SIVA1: variants seen among roughly 807,000 people sequenced by gnomAD.
SIVA1 encodes the protein SIVA1 apoptosis inducing factor.
In SIVA1, 10 loss-of-function variants were observed where a neutral mutation model predicts 19.7. The ratio of observed to expected loss-of-function variants is 0.51; its 90% CI spans 0.31 to 0.86. The LOEUF is 0.86. SIVA1 is among the 40% of genes least tolerant of loss of function. The probability of loss-of-function intolerance (pLI) is 0.04; values close to 1 mark genes in which losing one functional copy is unlikely to be tolerated. For missense variants in SIVA1, 241 were observed against 245.2 expected (o/e 0.98, Z 0.11); for synonymous variants, 130 against 106.1 (o/e 1.23, Z -1.39).
rs899288750 is a variant in SIVA1, at chr14:104,756,235, C to G, written c.314-369C>G. 7 of 441,522 alleles carry G rather than the reference C, an allele frequency of 1.6e-5. No homozygotes were observed. The Admixed American group carries it at 2.2e-4, about 14-fold the overall frequency. The allele number at this position is 441,522 out of a possible 1,614,324, so 27.4% of individuals were successfully genotyped here. A position where few individuals can be genotyped will look rare whatever the true frequency, so the allele number is the denominator to read the frequency against. On this transcript the variant is annotated intron_variant, in intron 2 of 3. Coordinates refer to ENST00000329967, the MANE Select transcript of SIVA1 (RefSeq NM_006427.4). ...GTGTGTCTAGGAGGAGCCCAGGCAC[C>G]TCTTTGTTAACCAGTAAGGCAGTGG... is the stretch of plus-strand genomic sequence containing the variant.
Position 104,753,197 on chromosome 14 carries a change from C to T in SIVA1, c.-5C>T. On this transcript the variant is annotated 5_prime_UTR_variant, in exon 1 of 4. Coordinates refer to ENST00000329967, the MANE Select transcript of SIVA1 (RefSeq NM_006427.4). ...GGGAGCTGCGTAGCTCCCGGCCCCG[C>T]GGCCATGCCCAAGCGGAGCTGCCCC... 2 of 1,557,386 alleles carry T rather than the reference C, an allele frequency of 1.3e-6. No individual in the cohort carries two copies. The highest frequency in any genetic ancestry group is 2.4e-5 in the East Asian group (1 of 41,470).
intron 2 of SIVA1, 126 bp from the exon 3 acceptor site, chr14:104,756,478 T>C (rs1309906568): frequency 8.0e-6 from 8 of 1,004,568 alleles, no homozygotes; most frequent in African/African-American, 7.9e-5. Context: ...GGATCCAGTG[T>C]AGGTGGGGAT....
At chr14:104,755,909 C>G (rs1273432688) in intron 2 of SIVA1, 85 bp downstream of exon 2, 2 of 1,294,916 alleles carry the variant, frequency 1.5e-6, no homozygotes, top group East Asian at 2.5e-5. Context: ...CAAGGTCAGG[C>G]TTTTCCTCCC....
At chr14:104,753,755 C>T (rs1055225825) in intron 1 of SIVA1, 8 of 454,336 alleles carry the variant, frequency 1.8e-5, no homozygotes, top group African/African-American at 1.0e-4. Context: ...GAGCGCGCGG[C>T]CCTGCCAGGC....
At chr14:104,756,484 G>A in intron 2 of SIVA1, 120 bp from the exon 3 acceptor site, 1 of 1,095,598 alleles carries the variant, frequency 9.1e-7, no homozygotes, top group South Asian at 1.3e-5. Context: ...AGTGTAGGTG[G>A]GGATGGGGTA....
In SIVA1 at chr14:104,755,694, C is replaced by T; in HGVS notation, c.183C>T (p.Gly61=). 6.2e-7 allele frequency: 1 copy of T among 1,614,092 alleles called. No homozygotes were observed. The highest frequency in any genetic ancestry group is 1.3e-5 in the African/African-American group (1 of 75,056). The change falls in exon 2 of 4, where the codon GGC becomes GGT. Residue 61 remains glycine, a synonymous_variant. Coordinates refer to ENST00000329967, the MANE Select transcript of SIVA1 (RefSeq NM_006427.4). The part of the protein sequence containing the change: ...QAYLDHVWDE[G]CAVVHLPESP... ...ACCTGGACCACGTGTGGGATGAAGG[C>T]TGTGCCGTCGTTCACCTGCCAGAGT...
chr14:104,755,671 C>T lies in SIVA1; in HGVS notation c.160C>T (p.Leu54=). 6.2e-7 allele frequency: 1 copy of T among 1,613,938 alleles called. No homozygotes were observed. ...RLLFLGAQAY[L]DHVWDEGCAV... Reference sequence around the variant, plus strand: ...CCTGTTCCTCGGGGCCCAGGCCTACCTGGACCACGTGTGGGATGAAGGCTG... The same window carrying T: ...CCTGTTCCTCGGGGCCCAGGCCTACTTGGACCACGTGTGGGATGAAGGCTG... The change falls in exon 2 of 4, where the codon CTG becomes TTG. Residue 54 remains leucine (L), a synonymous_variant. Coordinates refer to ENST00000329967, the MANE Select transcript of SIVA1 (RefSeq NM_006427.4).
In SIVA1 at chr14:104,756,732, G is replaced by A. The variant is rs376915360; in HGVS notation, c.442G>A (p.Val148Met). 104 of 1,613,598 alleles carry A rather than the reference G, an allele frequency of 6.4e-5. 1 individual carries two copies. Among genetic ancestry groups the A allele is most frequent in the Non-Finnish European group, 8.1e-5 (95 of 1,179,818 alleles). The change falls in exon 3 of 4, where the codon GTG (valine) becomes ATG (methionine). Residue 148 changes from valine (V) to methionine (M), a missense_variant. Transcript: ENST00000329967. ...CVRTCWGCGS[V>M]ACTLCGLVDC... Reference sequence around the variant, plus strand: ...GCGCACCTGCTGGGGCTGCGGCTCCGTGGCCTGTACCCTGTGTGGCCTCGT... The same window carrying A: ...GCGCACCTGCTGGGGCTGCGGCTCCATGGCCTGTACCCTGTGTGGCCTCGT...
intron 2 of SIVA1, chr14:104,756,078 C>T (rs547681784): frequency 1.1e-5 from 7 of 620,906 alleles, no homozygotes; most frequent in Non-Finnish European, 2.1e-5. Flanking sequence ...TGCTTTCCGC[C>T]TGCAGCCCCC....
chr14:104,753,158 G>A lies in SIVA1; in HGVS notation c.-44G>A, dbSNP rs1290307696. The A allele has an allele frequency of 3.0e-6, 4 of 1,324,154 alleles. No individual in the cohort carries two copies. In the African/African-American group the frequency reaches 4.5e-5, roughly 15 times the overall value. The allele number at this position is 1,324,154 out of a possible 1,614,324, so 82.0% of individuals were successfully genotyped here. The stretch of plus-strand genomic sequence containing the variant: ...TGTGACGTCACGGCGTCGTTGGTAA[G>A]GGGCTGGCGGCCGGGGAGCTGCGTA... On this transcript the variant is annotated 5_prime_UTR_variant, in exon 1 of 4. Transcript: ENST00000329967.
At chr14:104,757,404 TG>T (rs1655049068) in intron 3 of SIVA1, 1 of 306,264 alleles carries the variant, frequency 3.3e-6, no homozygotes, top group Admixed American at 4.3e-5. Context: ...GTCCAAACAA[TG>T]TCTGAAATTG....
intron 2 of SIVA1, 172 bp downstream of exon 2, chr14:104,755,996 A>G: frequency 1.4e-6 from 1 of 722,384 alleles, no homozygotes. Context: ...CTCACATTCA[A>G]GACTGGAAGT....
At chr14:104,757,254 G>T in intron 3 of SIVA1, 1 of 424,910 alleles carries the variant, frequency 2.4e-6, no homozygotes. Context: ...CCTAAGGTGG[G>T]GAGGGGCGTT....
chr14:104,758,237 C>T (rs1395015251), intron 3 of SIVA1: 1 of 152,428 alleles, frequency 6.6e-6, no homozygotes, highest in African/African-American at 2.4e-5. Flanking sequence ...TGCACTGGCC[C>T]ACGCCTGGCC....
intron 1 of SIVA1, among the ~76,000 whole-genome samples, chr14:104,754,553 C>G (rs1044945370): frequency 6.6e-6 from 1 of 152,174 alleles, no homozygotes; most frequent in African/African-American, 2.4e-5. Flanking sequence ...CTGACCTGGG[C>G]GTTGGCAGGT....
At chr14:104,756,305 A>G (rs1891886060) in intron 2 of SIVA1, 1 of 504,092 alleles carries the variant, frequency 2.0e-6, no homozygotes, top group African/African-American at 1.9e-5. Flanking sequence ...CTGACAAGCA[A>G]CAGGGGAAGA....
rs549517732 is a variant in SIVA1, at chr14:104,757,087, G to A, written c.470+327G>A. ...CTTTGAGCCCCCCCTCCCCCCGTCC[G>A]AGGAGCCCCTGGTTGGTGACACAGG... is the stretch of plus-strand genomic sequence containing the variant. On this transcript the variant is annotated intron_variant, in intron 3 of 3. Transcript: ENST00000329967. 1.2e-4 allele frequency: 47 copies of A among 398,406 alleles called. No homozygotes were observed. In the East Asian group the frequency reaches 2.5e-3, roughly 21 times the overall value. 24.7% of individuals were successfully genotyped at this position (398,406 alleles called of 1,614,324 possible).
At chr14:104,754,605 G>T (rs1194692679) in intron 1 of SIVA1, among the ~76,000 whole-genome samples, 1 of 152,206 alleles carries the variant, frequency 6.6e-6, no homozygotes, top group South Asian at 2.1e-4. Context: ...TCTGCTGGGT[G>T]CAGTGGGCCT....
rs1326608290 is a variant in SIVA1 at position 104,759,419 on chromosome 14, C to T, written c.471-9C>T. 4.3e-6 allele frequency: 7 copies of T among 1,612,570 alleles called. No individual in the cohort carries two copies. Among genetic ancestry groups the T allele is most frequent in the African/African-American group, 4.0e-5 (3 of 74,888 alleles). On this transcript the variant is annotated splice_polypyrimidine_tract_variant and intron_variant, in intron 3 of 3. Coordinates refer to ENST00000329967, the MANE Select transcript of SIVA1 (RefSeq NM_006427.4). The surrounding 1 kb of genome is among the most constrained non-coding windows in gnomAD (Gnocchi z 4.2). ...CAGCTTTTCTCTCCCCTCCCTGACG[C>T]TGTCGCAGCTGCAGTGACATGTACG...
Sources: gnomAD v4.1 joint callset for allele counts (sites outside exome capture counted in the v4.1 genomes callset) on GRCh38, gnomAD v4.1.1 for gene constraint, Gnocchi (gnomAD v3.1) non-coding constraint, MANE v1.5 for transcripts, NCBI Gene and HGNC (gene_info 2026-07-23, HGNC 2026-07-21) for gene names.